The following KALRN variants were observed in gnomAD, a reference collection of about 807,000 sequenced individuals.
The protein encoded by KALRN is kalirin RhoGEF kinase.
In KALRN, 70 loss-of-function variants were observed where a neutral mutation model predicts 353.7. The ratio of observed to expected loss-of-function variants is 0.20; its 90% CI spans 0.16 to 0.24. KALRN has a LOEUF of 0.24. Among genes scored for constraint, KALRN ranks in the 10% least tolerant of loss-of-function variants. The pLI is 1.00. For missense variants in KALRN, 2,791 were observed against 3,756.7 expected, an observed-to-expected ratio of 0.74 and a Z score of 6.72; for synonymous variants, 1,391 against 1,434.8, an observed-to-expected ratio of 0.97 and a Z score of 0.69.
At chr3:124,238,360 A>G (rs1314399760) in intron 3 of KALRN, among the ~76,000 whole-genome samples, 1 of 152,174 alleles carries the variant, frequency 6.6e-6, no homozygotes, top group Admixed American at 6.5e-5. Flanking sequence ...ACCTGCCCAC[A>G]TGGAAGCTGT....
rs144077790 is a variant in KALRN, at chr3:124,547,034, G to A, written c.4936-15809G>A. Among the ~76,000 whole-genome samples the A allele has an allele frequency of 9.0e-3, 1,372 of 152,316 alleles. 14 individuals are homozygous for A. Among genetic ancestry groups the A allele is most frequent in the African/African-American group, 0.031 (1,287 of 41,564 alleles). The stretch of plus-strand genomic sequence containing the variant: ...GCCTTAAAGGAGAACTTTCTATGCA[G>A]TCTCTTCCTTTTAGAAACCAAATTG... On this transcript the variant is annotated intron_variant, in intron 33 of 59. Transcript: ENST00000682506.
At chr3:124,060,015 C>T (rs940335168) in intron 1 of KALRN, among the ~76,000 whole-genome samples, 1 of 152,110 alleles carries the variant, frequency 6.6e-6, no homozygotes, top group African/African-American at 2.4e-5. Flanking sequence ...CTTTTTATCC[C>T]CTCAGCCTGG....
intron 50 of KALRN, chr3:124,678,606 A>C (rs2087468312): frequency 4.5e-6 from 1 of 223,834 alleles, no homozygotes; most frequent in Non-Finnish European, 9.0e-6. Context: ...AAAATGTGAG[A>C]TGCTTGATTC....
intron 58 of KALRN, 104 bp from the exon 59 acceptor site, chr3:124,717,143 A>G: frequency 9.0e-7 from 1 of 1,116,772 alleles, no homozygotes; most frequent in Non-Finnish European, 1.3e-6. Flanking sequence ...ATGTATAACA[A>G]TAAGTATGAG....
intron 5 of KALRN, among the ~76,000 whole-genome samples, chr3:124,292,212 G>T (rs1464677298): frequency 6.6e-6 from 1 of 152,078 alleles, no homozygotes; most frequent in African/African-American, 2.4e-5. Flanking sequence ...CTATTTTAGG[G>T]CTTCCCTCCT....
chr3:124,686,628 A>G (rs972203500), intron 51 of KALRN, among the ~76,000 whole-genome samples: 6 of 151,994 alleles, frequency 3.9e-5, no homozygotes, highest in African/African-American at 1.5e-4. Flanking sequence ...TAGGAGATAA[A>G]GCCTGGCAGA....
In KALRN at chr3:124,545,211, C is replaced by T. The variant is rs990600809; in HGVS notation, c.4936-17632C>T. Among the ~76,000 whole-genome samples the T allele has an allele frequency of 3.8e-4, 58 of 152,180 alleles. 2 individuals are homozygous for T. The highest frequency in any genetic ancestry group is 3.1e-3 in the Admixed American group (48 of 15,284). On this transcript the variant is annotated intron_variant, in intron 33 of 59. Coordinates refer to ENST00000682506, the MANE Select transcript of KALRN (RefSeq NM_001388419.1). ...AATAATCCTACCTCTTTTACTGTAG[C>T]AGCTAGCTCTTCACTCTTCGTTTGC...
At chr3:124,532,581 G>A (rs536321184) in intron 33 of KALRN, among the ~76,000 whole-genome samples, 8 of 152,232 alleles carry the variant, frequency 5.3e-5, no homozygotes, top group Non-Finnish European at 1.0e-4. Flanking sequence ...TGAGGTGGGC[G>A]GATCACTTGA....
chr3:124,646,163 C>A (rs764269745), intron 37 of KALRN, among the ~76,000 whole-genome samples: 9 of 152,144 alleles, frequency 5.9e-5, no homozygotes, highest in Admixed American at 3.3e-4. Context: ...ATTGTCTCAT[C>A]ACATGAGCTT....
At chr3:124,247,904 C>T (rs562042718) in intron 3 of KALRN, among the ~76,000 whole-genome samples, 4 of 152,130 alleles carry the variant, frequency 2.6e-5, no homozygotes, top group African/African-American at 7.2e-5. Context: ...GTCTCCCCCT[C>T]GCCTTCTCCA....
At chr3:124,649,372 A>AT (rs937050053) in intron 37 of KALRN, among the ~76,000 whole-genome samples, 3 of 152,168 alleles carry the variant, frequency 2.0e-5, no homozygotes, top group African/African-American at 7.2e-5. Flanking sequence ...TTTGGACTGC[A>AT]TTTTTTTAAA....
intron 36 of KALRN, among the ~76,000 whole-genome samples, chr3:124,636,734 A>G (rs923496121): frequency 6.6e-6 from 1 of 152,078 alleles, no homozygotes; most frequent in Non-Finnish European, 1.5e-5. Flanking sequence ...ATAAAGATCT[A>G]TATCTAAGGC....
At chr3:124,397,271 G>A (rs1269684074) in intron 12 of KALRN, among the ~76,000 whole-genome samples, 1 of 152,190 alleles carries the variant, frequency 6.6e-6, no homozygotes, top group African/African-American at 2.4e-5. Context: ...CCGTGCAGTT[G>A]TGGGAGTAGA....
At chr3:124,569,376 T>C (rs1007648450) in intron 34 of KALRN, among the ~76,000 whole-genome samples, 4 of 152,178 alleles carry the variant, frequency 2.6e-5, no homozygotes, top group African/African-American at 9.7e-5. Flanking sequence ...GCAATTACCA[T>C]CAACAGCCTG....
intron 39 of KALRN, 54 bp from the exon 40 acceptor site, chr3:124,657,394 C>G: frequency 7.8e-7 from 1 of 1,282,066 alleles, no homozygotes; most frequent in Non-Finnish European, 1.1e-6. Flanking sequence ...GTGGCATGGC[C>G]CAGAAAGCTT....
intron 1 of KALRN, among the ~76,000 whole-genome samples, chr3:124,227,780 G>A (rs2078730749): frequency 7.1e-6 from 1 of 139,874 alleles, no homozygotes; most frequent in Non-Finnish European, 1.5e-5. Flanking sequence ...GGACTAGGGG[G>A]TTGCAGCCCT....
chr3:124,508,948 T>C (rs750056410), intron 33 of KALRN, among the ~76,000 whole-genome samples: 5 of 152,172 alleles, frequency 3.3e-5, no homozygotes, highest in Non-Finnish European at 7.3e-5. Flanking sequence ...GGGCCTTTGA[T>C]TTTCTCTTTT....
chr3:124,265,732 G>T (rs550962638), intron 4 of KALRN, among the ~76,000 whole-genome samples: 3 of 152,234 alleles, frequency 2.0e-5, no homozygotes, highest in Non-Finnish European at 4.4e-5. Flanking sequence ...ATACACATGT[G>T]CATAAATATT....
Position 124,562,993 on chromosome 3 carries a change from A to G in KALRN, c.5086A>G (p.Ser1696Gly), listed in dbSNP as rs1468030129. Reference protein sequence around the residue: ...GWCLVRTTERSPPLEGLVPSS... With the variant: ...GWCLVRTTERGPPLEGLVPSS... The stretch of plus-strand genomic sequence containing the variant: ...GTGTCTGGTCCGTACCACCGAACGG[A>G]GCCCGCCCTTGGAGGGTCTGGTCCC... The change falls in exon 34 of 60, where the codon AGC becomes GGC. Residue 1696 changes from serine (S) to glycine (G), a missense_variant. Physicochemically the swap from Ser to Gly is moderately conservative, Grantham distance 56 (BLOSUM62 0). This residue lies in a region of KALRN where 239 missense variants were observed against 351.3 expected (regional missense o/e 0.68). Transcript: ENST00000682506. 2 of 1,367,876 alleles carry G rather than the reference A, an allele frequency of 1.5e-6. No homozygotes were observed. The highest frequency in any genetic ancestry group is 2.0e-6 in the Non-Finnish European group (2 of 1,021,994). 84.7% of individuals were successfully genotyped at this position (1,367,876 alleles called of 1,614,324 possible). A position where few individuals can be genotyped will look rare whatever the true frequency, so the allele number is the denominator to read the frequency against.
Sources: gnomAD v4.1 joint callset for allele counts (sites outside exome capture counted in the v4.1 genomes callset) on GRCh38, gnomAD v4.1.1 for gene constraint, gnomAD v4.1.1 regional missense constraint, MANE v1.5 for transcripts, NCBI Gene and HGNC (gene_info 2026-07-23, HGNC 2026-07-21) for gene names.